ABCG1: variants seen among roughly 807,000 people sequenced by gnomAD.
ABCG1 encodes the protein ATP-binding cassette sub-family G member 1.
In ABCG1, 29 loss-of-function variants were observed where a neutral mutation model predicts 69.2. The observed-to-expected ratio is 0.42, with a 90% CI of 0.31 to 0.57. The LOEUF (loss-of-function observed/expected upper bound fraction) is 0.57, where lower values mean the gene tolerates loss of function less well. ABCG1 is among the 20% of genes least tolerant of loss of function. The probability of loss-of-function intolerance (pLI) is 0.15; values close to 1 mark genes in which losing one functional copy is unlikely to be tolerated. For synonymous variants in ABCG1, 370 were observed against 374.8 expected, an observed-to-expected ratio of 0.99 and a Z score of 0.15; for missense variants, 718 against 898.1, an observed-to-expected ratio of 0.80 and a Z score of 2.56.
At chr21:42,213,565 G>C (rs1251639925), upstream of ABCG1, among the ~76,000 whole-genome samples, 3 of 152,236 alleles carry the variant, frequency 2.0e-5, no homozygotes, top group Non-Finnish European at 4.4e-5. Context: ...AGCCACTGAC[G>C]TGCACCTCCA....
Position 42,219,392 on chromosome 21 carries a change from C to G in ABCG1, c.42+88C>G. The G allele has an allele frequency of 1.3e-6, 2 of 1,525,642 alleles. No homozygotes were observed. The highest frequency in any genetic ancestry group is 1.8e-6 in the Non-Finnish European group (2 of 1,138,146). 94.5% of individuals were successfully genotyped at this position (1,525,642 alleles called of 1,614,324 possible). A position where few individuals can be genotyped will look rare whatever the true frequency, so the allele number is the denominator to read the frequency against. ...ACAAAGACTCGCAAGCTCGACCTGA[C>G]ACCCCTCCCAGGAGCGCGTCCTCTG... On this transcript the variant is annotated intron_variant, in intron 1 of 14. Transcript: ENST00000398449. The surrounding 1 kb of genome is among the most constrained non-coding windows in gnomAD (Gnocchi z 5.3).
intron 2 of ABCG1, among the ~76,000 whole-genome samples, chr21:42,236,724 G>C (rs75956973): frequency 6.6e-6 from 1 of 152,112 alleles, no homozygotes; most frequent in Non-Finnish European, 1.5e-5. Context: ...AAGCCAACAG[G>C]GGCACACAGG....
chr21:42,258,772 C>T (rs546142447), intron 2 of ABCG1, among the ~76,000 whole-genome samples: 2 of 152,212 alleles, frequency 1.3e-5, no homozygotes, highest in African/African-American at 4.8e-5. Flanking sequence ...GGGATGAGGG[C>T]TGCCCCCTGC....
chr21:42,288,975 C>T lies in ABCG1; in HGVS notation c.1224+663C>T, dbSNP rs775283487. ...CATTCAGATCTCACAATAACTCACC[C>T]ATTGTCATGAGCACAGACCCAAAGG... On this transcript the variant is annotated intron_variant, in intron 10 of 14. Coordinates refer to ENST00000398449, the MANE Select transcript of ABCG1 (RefSeq NM_016818.3). This position sits in a 1 kb window ranked among gnomAD's most constrained non-coding sequence, Gnocchi z 4.8. 6.6e-6 allele frequency among the ~76,000 whole-genome samples: 1 copy of T among 152,124 alleles called. No individual in the cohort carries two copies. Among genetic ancestry groups the T allele is most frequent in the African/African-American group, 2.4e-5 (1 of 41,398 alleles).
intron 1 of ABCG1, among the ~76,000 whole-genome samples, chr21:42,221,503 T>C (rs2123503273): frequency 6.6e-6 from 1 of 152,224 alleles, no homozygotes; most frequent in East Asian, 1.9e-4. Context: ...TCGGTGGGCA[T>C]ACAAGGGGTG....
chr21:42,239,099 G>A (rs1432690215), intron 2 of ABCG1, among the ~76,000 whole-genome samples: 2 of 152,170 alleles, frequency 1.3e-5, no homozygotes, highest in South Asian at 4.1e-4. Flanking sequence ...TGTAGTACTT[G>A]TTAGCAAAAT....
chr21:42,278,039 A>G (rs1426254767), intron 5 of ABCG1, among the ~76,000 whole-genome samples: 1 of 152,220 alleles, frequency 6.6e-6, no homozygotes, highest in Non-Finnish European at 1.5e-5. Flanking sequence ...TGCAGGTGGA[A>G]AGAGCCTAAT....
chr21:42,203,066 G>A (rs1042509814), intron 2 of ABCG1, among the ~76,000 whole-genome samples: 17 of 152,136 alleles, frequency 1.1e-4, no homozygotes, highest in African/African-American at 3.9e-4. Flanking sequence ...TCCAGCAAGC[G>A]CTGCTGATGC....
chr21:42,273,761 C>T lies in ABCG1; in HGVS notation c.537+326C>T, dbSNP rs1363950108. Among the ~76,000 whole-genome samples the T allele has an allele frequency of 6.6e-6, 1 of 152,168 alleles. No homozygotes were observed. The highest frequency in any genetic ancestry group is 1.9e-4 in the East Asian group (1 of 5,200). On this transcript the variant is annotated intron_variant, in intron 4 of 14. Coordinates refer to ENST00000398449, the MANE Select transcript of ABCG1 (RefSeq NM_016818.3). This position sits in a 1 kb window ranked among gnomAD's most constrained non-coding sequence, Gnocchi z 5.3. The stretch of plus-strand genomic sequence containing the variant: ...GCCACCATACTATTTCTCCTGCAGG[C>T]CAGTGCTTGGGATTCTCCTTCCTGT...
At chr21:42,223,007 T>A (rs909955928) in intron 1 of ABCG1, among the ~76,000 whole-genome samples, 1 of 152,144 alleles carries the variant, frequency 6.6e-6, no homozygotes, top group Non-Finnish European at 1.5e-5. Flanking sequence ...CTGGTCCTGT[T>A]ATTCCCTCGG....
intron 2 of ABCG1, among the ~76,000 whole-genome samples, chr21:42,255,436 A>G (rs1004198458): frequency 3.3e-5 from 5 of 152,064 alleles, no homozygotes; most frequent in African/African-American, 1.2e-4. Flanking sequence ...GAGTGCACAC[A>G]TGTCCATGTG....
intron 3 of ABCG1, among the ~76,000 whole-genome samples, chr21:42,271,749 G>T (rs894635939): frequency 1.3e-5 from 2 of 152,138 alleles, no homozygotes; most frequent in Admixed American, 6.5e-5. Context: ...GCTGGGCGTG[G>T]TGGCAGGTGC....
chr21:42,209,134 C>T (rs150691927), intron 2 of ABCG1, among the ~76,000 whole-genome samples: 1 of 152,350 alleles, frequency 6.6e-6, no homozygotes, highest in East Asian at 1.9e-4. Flanking sequence ...AACACTTGAA[C>T]TGTGGCCTTT....
At chr21:42,213,881 A>C (rs1214298002), upstream of ABCG1, among the ~76,000 whole-genome samples, 1 of 152,206 alleles carries the variant, frequency 6.6e-6, no homozygotes, top group Non-Finnish European at 1.5e-5. Flanking sequence ...TGACTTCACA[A>C]GTTCACCGCT....
intron 5 of ABCG1, 96 bp downstream of exon 5, chr21:42,277,041 TTTG>T: frequency 7.4e-7 from 1 of 1,343,436 alleles, no homozygotes; most frequent in South Asian, 1.2e-5. Flanking sequence ...TTGGCTTTTG[TTTG>T]TTGATTTGTT....
chr21:42,271,637 T>G (rs2068619747), intron 3 of ABCG1, among the ~76,000 whole-genome samples: 1 of 152,194 alleles, frequency 6.6e-6, no homozygotes, highest in South Asian at 2.1e-4. Context: ...ATCGCAGCAC[T>G]TTGGGAGGCC....
chr21:42,262,879 C>G (rs541651006), intron 2 of ABCG1, among the ~76,000 whole-genome samples: 3 of 152,228 alleles, frequency 2.0e-5, no homozygotes, highest in Non-Finnish European at 4.4e-5. Context: ...GCAAGGCTGG[C>G]GCGGTGCCCA....
At chr21:42,216,130 G>A, upstream of ABCG1, 1 of 452,168 alleles carries the variant, frequency 2.2e-6, no homozygotes, top group Non-Finnish European at 4.4e-6. Context: ...CTGCCGCCAT[G>A]TGAGACATGC....
chr21:42,260,487 A>G (rs2068389515), intron 2 of ABCG1, among the ~76,000 whole-genome samples: 1 of 152,154 alleles, frequency 6.6e-6, no homozygotes, highest in Non-Finnish European at 1.5e-5. Flanking sequence ...AGCTCACCAG[A>G]ATATCTAAAA....
Sources: allele counts gnomAD v4.1 joint callset (sites outside exome capture counted in the v4.1 genomes callset), GRCh38; gene constraint gnomAD v4.1.1; non-coding constraint Gnocchi (gnomAD v3.1); transcripts MANE v1.5; gene names NCBI Gene and HGNC (gene_info 2026-07-23, HGNC 2026-07-21).